The following ARPP21 variants were observed in gnomAD, a reference collection of about 807,000 sequenced individuals.
The protein encoded by ARPP21 is cAMP-regulated phosphoprotein 21.
Under a neutral mutation model 113.2 loss-of-function variants are expected in ARPP21, and 69 were observed. That is an observed-to-expected ratio of 0.61 (90% CI 0.50 to 0.74). The LOEUF is 0.74. Ranked by LOEUF, ARPP21 falls within the 30% of genes least tolerant of loss-of-function variation. The pLI is 0.00. For synonymous variants in ARPP21, 368 were observed against 375.5 expected, an observed-to-expected ratio of 0.98 and a Z score of 0.23; for missense variants, 1,070 against 1,037.4, an observed-to-expected ratio of 1.03 and a Z score of -0.43.
chr3:35,665,500 A>G (rs1391559321), intron 1 of ARPP21, among the ~76,000 whole-genome samples: 4 of 152,180 alleles, frequency 2.6e-5, no homozygotes, highest in Non-Finnish European at 5.9e-5. Context: ...ACATACATCC[A>G]TGTATCTAGT....
chr3:35,727,428 G>A (rs67460108), intron 14 of ARPP21, among the ~76,000 whole-genome samples: 17,013 of 152,148 alleles, frequency 0.11, 978 homozygotes, highest in Non-Finnish European at 0.12. Context: ...AAGTGCTTAC[G>A]CATACTAAGT....
intron 1 of ARPP21, among the ~76,000 whole-genome samples, chr3:35,658,631 G>A (rs1706158672): frequency 6.6e-6 from 1 of 152,018 alleles, no homozygotes; most frequent in African/African-American, 2.4e-5. Flanking sequence ...GCCTTGTGAG[G>A]AAATAAAGTA....
chr3:35,716,508 T>C lies in ARPP21; in HGVS notation c.936-790T>C, dbSNP rs190706042. Among the ~76,000 whole-genome samples, 281 of 152,120 alleles carry C rather than the reference T, an allele frequency of 1.8e-3. 1 individual carries two copies. The Middle Eastern group carries it at 0.024, about 13-fold the overall frequency. ...AACCTCTTCAGAAGAAGAGATAAAA[T>C]TGAGAAACACATAAAAGGGATTCAC... is the stretch of plus-strand genomic sequence containing the variant. On this transcript the variant is annotated intron_variant, in intron 12 of 20. Transcript: ENST00000684406.
In ARPP21 at chr3:35,794,415, A is replaced by C. The variant is rs1037075385; in HGVS notation, c.*457A>C. 1.2e-5 allele frequency: 2 copies of C among 170,734 alleles called. No individual in the cohort carries two copies. The highest frequency in any genetic ancestry group is 3.1e-4 in the East Asian group (2 of 6,450). 10.6% of individuals were successfully genotyped at this position (170,734 alleles called of 1,614,324 possible). On this transcript the variant is annotated 3_prime_UTR_variant, in exon 21 of 21. Coordinates refer to ENST00000684406, the MANE Select transcript of ARPP21 (RefSeq NM_001385562.1). ...TAGAGTTTTCTTTTTTAATGGATAT[A>C]TACTGTATTGTAGTGTTTAATCAAA...
At chr3:35,693,140 G>A (rs550632688) in intron 9 of ARPP21, among the ~76,000 whole-genome samples, 9 of 151,572 alleles carry the variant, frequency 5.9e-5, no homozygotes, top group South Asian at 4.2e-4. Flanking sequence ...ACACCCTCTC[G>A]AAGGTACAAC....
At chr3:35,771,543 C>T (rs1438910238) in intron 19 of ARPP21, among the ~76,000 whole-genome samples, 1 of 152,014 alleles carries the variant, frequency 6.6e-6, no homozygotes, top group East Asian at 1.9e-4. Context: ...TGGCCAGCCT[C>T]GTCTTCAATT....
At chr3:35,773,922 A>T (rs1024623710) in intron 19 of ARPP21, among the ~76,000 whole-genome samples, 7 of 152,180 alleles carry the variant, frequency 4.6e-5, no homozygotes, top group African/African-American at 1.7e-4. Context: ...AACTAAGCTG[A>T]TGATTCTATC....
intron 19 of ARPP21, among the ~76,000 whole-genome samples, chr3:35,781,944 G>T (rs2096535324): frequency 6.6e-6 from 1 of 152,104 alleles, no homozygotes. Context: ...CTATACATTA[G>T]ATAACCTAGA....
intron 19 of ARPP21, among the ~76,000 whole-genome samples, chr3:35,776,003 T>G (rs1400849895): frequency 1.3e-5 from 2 of 152,204 alleles, no homozygotes; most frequent in Non-Finnish European, 2.9e-5. Context: ...AACATGTCTT[T>G]AATTTAATGT....
intron 19 of ARPP21, among the ~76,000 whole-genome samples, chr3:35,757,773 A>G (rs528507667): frequency 1.8e-4 from 27 of 152,220 alleles, no homozygotes; most frequent in African/African-American, 6.0e-4. Context: ...GTAGATTTAA[A>G]CATGTATTGT....
chr3:35,655,002 C>G (rs192162543), intron 1 of ARPP21, among the ~76,000 whole-genome samples: 1 of 151,812 alleles, frequency 6.6e-6, no homozygotes, highest in Non-Finnish European at 1.5e-5. Context: ...AATGGAAAAT[C>G]TTAGAAATAA....
At chr3:35,709,535 C>A (rs990599027) in intron 11 of ARPP21, among the ~76,000 whole-genome samples, 2 of 152,124 alleles carry the variant, frequency 1.3e-5, no homozygotes, top group Non-Finnish European at 2.9e-5. Context: ...ATGGACATTT[C>A]ATTATACTAA....
rs57456659 is a variant in ARPP21, at chr3:35,759,676, CTG to C, written c.2137+15741_2137+15742del. ...ATTTTTTTCCTTTCATTTTCTCTCTCTGTGTGTGTGTGTGTGTGTGTGTGTGT... is the reference window on the plus strand; with the variant it reads ...ATTTTTTTCCTTTCATTTTCTCTCTCTGTGTGTGTGTGTGTGTGTGTGTGT... On this transcript the variant is annotated intron_variant, in intron 19 of 20. Transcript: ENST00000684406. 2.5e-3 allele frequency among the ~76,000 whole-genome samples: 350 copies of C among 140,542 alleles called. 1 individual carries two copies. The highest frequency in any genetic ancestry group is 4.2e-3 in the South Asian group (18 of 4,306). 92.2% of individuals were successfully genotyped at this position (140,542 alleles called of 152,430 possible). A position where few individuals can be genotyped will look rare whatever the true frequency, so the allele number is the denominator to read the frequency against.
At position 35,681,666 on chromosome 3, in the gene ARPP21, A is replaced by C. The variant is rs1018878664; in HGVS notation, c.-38-48A>C. On this transcript the variant is annotated intron_variant, in intron 2 of 20. Transcript: ENST00000684406. The stretch of plus-strand genomic sequence containing the variant: ...AGAAATGAAATCTCTAAAGAATGAT[A>C]GTAAATACCTTGCACTGACTTTATT... 5.4e-6 allele frequency: 5 copies of C among 930,398 alleles called. No homozygotes were observed. The African/African-American group carries it at 6.6e-5, about 12-fold the overall frequency. The allele number at this position is 930,398 out of a possible 1,614,324, so 57.6% of individuals were successfully genotyped here.
chr3:35,691,574 T>C lies in ARPP21; in HGVS notation c.686+569T>C, dbSNP rs1383589505. ...TGTAAAATGAGAGTTTTAAGCTAGA[T>C]GAAACATCTAAGACTTAGCTCTAAA... On this transcript the variant is annotated intron_variant, in intron 9 of 20. Transcript: ENST00000684406. Among the ~76,000 whole-genome samples the C allele has an allele frequency of 2.0e-5, 3 of 151,578 alleles. No individual in the cohort carries two copies. The East Asian group carries it at 5.9e-4, about 30-fold the overall frequency.
intron 1 of ARPP21, among the ~76,000 whole-genome samples, chr3:35,644,297 T>A (rs1484640589): frequency 1.3e-5 from 2 of 152,030 alleles, no homozygotes; most frequent in Non-Finnish European, 2.9e-5. Flanking sequence ...ATTTTGCTCA[T>A]CTTGGATTAA....
rs796934079 is a variant in ARPP21, at chr3:35,640,098, G to GGGGCA, written c.-511_-507dup. The GGGGCA allele has an allele frequency of 2.6e-4, 40 of 152,386 alleles. No homozygotes were observed. The highest frequency in any genetic ancestry group is 9.6e-4 in the African/African-American group (40 of 41,558). 9.4% of individuals were successfully genotyped at this position (152,386 alleles called of 1,614,324 possible). A position where few individuals can be genotyped will look rare whatever the true frequency, so the allele number is the denominator to read the frequency against. ...TCCGGAGCAGAGACCAGCAGCAGCAGGGGCAGCGGGGACACAAGCCGCGAC... is the reference window on the plus strand; with the variant it reads ...TCCGGAGCAGAGACCAGCAGCAGCAGGGGCAGGGCAGCGGGGACACAAGCCGCGAC... On this transcript the variant is annotated 5_prime_UTR_variant, in exon 1 of 21. Transcript: ENST00000684406.
At chr3:35,735,291 T>G (rs1194732168) in intron 15 of ARPP21, among the ~76,000 whole-genome samples, 2 of 152,078 alleles carry the variant, frequency 1.3e-5, no homozygotes, top group Non-Finnish European at 2.9e-5. Context: ...TTTTGTATTT[T>G]TTTTAGAGAC....
At chr3:35,740,351 A>C (rs1360090265) in intron 18 of ARPP21, among the ~76,000 whole-genome samples, 1 of 152,186 alleles carries the variant, frequency 6.6e-6, no homozygotes. Flanking sequence ...ATCCCAAGAA[A>C]ATTCCATCCT....
Sources: gnomAD v4.1 joint callset for allele counts (sites outside exome capture counted in the v4.1 genomes callset) on GRCh38, gnomAD v4.1.1 for gene constraint, MANE v1.5 for transcripts, NCBI Gene and HGNC (gene_info 2026-07-23, HGNC 2026-07-21) for gene names.